The following EPHB2 variants were observed in gnomAD, a reference collection of about 807,000 sequenced individuals.
EPHB2 encodes the protein ephrin type-B receptor 2.
In EPHB2, 18 loss-of-function variants were observed where a neutral mutation model predicts 96.4. The ratio of observed to expected loss-of-function variants is 0.19; its 90% CI spans 0.13 to 0.28. The LOEUF is 0.28. Among genes scored for constraint, EPHB2 ranks in the 10% least tolerant of loss-of-function variants. EPHB2 has a pLI of 1.00. For synonymous variants in EPHB2, 506 were observed against 534.1 expected (o/e 0.95, Z 0.72); for missense variants, 989 against 1,355.4 (o/e 0.73, Z 4.25).
At chr1:22,815,264 G>T (rs1645058275) in intron 3 of EPHB2, among the ~76,000 whole-genome samples, 1 of 152,176 alleles carries the variant, frequency 6.6e-6, no homozygotes, top group South Asian at 2.1e-4. Context: ...GGAAGGTGGG[G>T]GGTGGTTGTG....
intron 1 of EPHB2, chr1:22,719,441 T>G (rs1406282643): frequency 6.5e-6 from 1 of 154,270 alleles, no homozygotes; most frequent in Non-Finnish European, 1.5e-5. Context: ...AGTCAGACAA[T>G]CTGGTTTCAC....
chr1:22,714,583 G>A (rs757257409), intron 1 of EPHB2, among the ~76,000 whole-genome samples: 3 of 152,138 alleles, frequency 2.0e-5, no homozygotes, highest in Non-Finnish European at 2.9e-5. Flanking sequence ...GGCTAGAATG[G>A]AAGGCTGGGG....
intron 3 of EPHB2, among the ~76,000 whole-genome samples, chr1:22,788,748 TTTTTG>T (rs1644648117): frequency 1.0e-4 from 4 of 39,724 alleles, no homozygotes; most frequent in African/African-American, 2.3e-4. Context: ...TTGTCTTTTG[TTTTTG>T]TTTTTTTTTT....
intron 3 of EPHB2, among the ~76,000 whole-genome samples, chr1:22,815,388 G>A (rs1645060892): frequency 6.6e-6 from 1 of 152,224 alleles, no homozygotes; most frequent in African/African-American, 2.4e-5. Context: ...GAAAAGAAAT[G>A]AGTTGCCCAA....
At chr1:22,770,080 CG>C (rs1644357800) in intron 1 of EPHB2, among the ~76,000 whole-genome samples, 2 of 151,646 alleles carry the variant, frequency 1.3e-5, no homozygotes, top group South Asian at 4.2e-4. Context: ...GGTGATTTGA[CG>C]AATAGATGGA....
chr1:22,712,983 A>G (rs1342001196), intron 1 of EPHB2, among the ~76,000 whole-genome samples: 3 of 152,160 alleles, frequency 2.0e-5, no homozygotes, highest in Admixed American at 6.5e-5. Context: ...TGGAAGGGCC[A>G]CATCTGTCCA....
intron 1 of EPHB2, among the ~76,000 whole-genome samples, chr1:22,745,137 A>G (rs1643954185): frequency 1.3e-5 from 2 of 152,226 alleles, no homozygotes; most frequent in Admixed American, 6.5e-5. Context: ...CTAGAGCACA[A>G]TGTTCACAGC....
chr1:22,796,506 C>T (rs958214891), intron 3 of EPHB2, among the ~76,000 whole-genome samples: 6 of 152,206 alleles, frequency 3.9e-5, no homozygotes, highest in Admixed American at 6.5e-5. Flanking sequence ...TGTGAGTGCA[C>T]GGCCATTTCC....
chr1:22,909,410 C>T (rs1445278600), intron 13 of EPHB2, among the ~76,000 whole-genome samples: 2 of 152,246 alleles, frequency 1.3e-5, no homozygotes, highest in Non-Finnish European at 2.9e-5. Context: ...ATCAGCACGT[C>T]TTCAGGACGC....
Position 22,784,634 on chromosome 1 carries a change from C to T in EPHB2, c.369C>T (p.Ala123=). ...LYYYEADFDS[A]TKTFPNWMEN... is the part of the protein sequence containing the mutation. ...ACTATGAGGCTGACTTTGACTCGGC[C>T]ACCAAGACCTTCCCCAACTGGATGG... Residue 123 remains alanine, a synonymous_variant, in exon 3 of 16, where the codon GCC becomes GCT. Coordinates refer to ENST00000374630, the MANE Select transcript of EPHB2 (RefSeq NM_017449.5). This position sits in a 1 kb window ranked among gnomAD's most constrained non-coding sequence, Gnocchi z 5.1. The T allele has an allele frequency of 2.5e-6, 4 of 1,614,126 alleles. No individual in the cohort carries two copies. The highest frequency in any genetic ancestry group is 3.4e-6 in the Non-Finnish European group (4 of 1,180,034).
intron 3 of EPHB2, among the ~76,000 whole-genome samples, chr1:22,818,490 T>C (rs184549940): frequency 3.4e-4 from 51 of 152,146 alleles, no homozygotes; most frequent in African/African-American, 1.2e-3. Flanking sequence ...GAACCATCTT[T>C]CTAAAATGGA....
Position 22,907,976 on chromosome 1 carries a change from C to G in EPHB2, c.2160C>G (p.Val720=), listed in dbSNP as rs201544391. ...AGCAAAACGATGGGCAGTTCACAGT[C>G]ATCCAGCTGGTGGGCATGCTTCGGG... ...FLRQNDGQFT[V]IQLVGMLRGI... Residue 720 remains valine (V), a synonymous_variant, in exon 12 of 16, where the codon GTC becomes GTG. Coordinates refer to ENST00000374630, the MANE Select transcript of EPHB2 (RefSeq NM_017449.5). 1 of 1,614,264 alleles carries G rather than the reference C, an allele frequency of 6.2e-7. No individual in the cohort carries two copies. The highest frequency in any genetic ancestry group is 1.7e-5 in the Admixed American group (1 of 60,030).
At chr1:22,729,070 G>C (rs1331010681) in intron 1 of EPHB2, among the ~76,000 whole-genome samples, 1 of 152,212 alleles carries the variant, frequency 6.6e-6, no homozygotes, top group Non-Finnish European at 1.5e-5. Context: ...GCTCACTCGG[G>C]GTAATGCCTC....
At chr1:22,905,036 G>C (rs1639864870) in intron 9 of EPHB2, among the ~76,000 whole-genome samples, 1 of 152,220 alleles carries the variant, frequency 6.6e-6, no homozygotes, top group Admixed American at 6.5e-5. Context: ...TGGGCTCAGG[G>C]AGGACTGGGA....
At chr1:22,814,870 C>T (rs1299288482) in intron 3 of EPHB2, among the ~76,000 whole-genome samples, 1 of 152,204 alleles carries the variant, frequency 6.6e-6, no homozygotes, top group African/African-American at 2.4e-5. Flanking sequence ...AAATGCACGC[C>T]GGCTCATCTG....
At chr1:22,713,797 A>T (rs1342573841) in intron 1 of EPHB2, among the ~76,000 whole-genome samples, 1 of 152,176 alleles carries the variant, frequency 6.6e-6, no homozygotes, top group East Asian at 1.9e-4. Flanking sequence ...GGAAATCCCC[A>T]GCTCCAGCCT....
rs1399027738 is a variant in EPHB2, at chr1:22,790,353, A to G, written c.811+5277A>G. Among the ~76,000 whole-genome samples, 1 of 151,982 alleles carries G rather than the reference A, an allele frequency of 6.6e-6. No homozygotes were observed. The highest frequency in any genetic ancestry group is 1.5e-5 in the Non-Finnish European group (1 of 67,984). On this transcript the variant is annotated intron_variant, in intron 3 of 15. Coordinates refer to ENST00000374630, the MANE Select transcript of EPHB2 (RefSeq NM_017449.5). The surrounding 1 kb of genome is among the most constrained non-coding windows in gnomAD (Gnocchi z 4.0). ...CTGGGCATACAGCTGCCAGGTGAGG[A>G]TTCCTGGGACTTCCTTTAGAAGAGC...
At chr1:22,864,746 G>T in intron 4 of EPHB2, 131 bp from the exon 5 acceptor site, 2 of 621,652 alleles carry the variant, frequency 3.2e-6, no homozygotes, top group South Asian at 4.2e-5. Context: ...TTTCTCTGGT[G>T]GGGAGACAGG....
rs1287879425 is a variant in EPHB2, at chr1:22,906,357, G to C, written c.1888+248G>C. On this transcript the variant is annotated intron_variant, in intron 10 of 15. Transcript: ENST00000374630. The surrounding 1 kb of genome is among the most constrained non-coding windows in gnomAD (Gnocchi z 4.8). ...GGACATGCACAGTGAGTCAGAGATT[G>C]AGCTGGGTCTGGAGCCCAGTTCTCT... Among the ~76,000 whole-genome samples, 1 of 152,190 alleles carries C rather than the reference G, an allele frequency of 6.6e-6. No individual in the cohort carries two copies. The highest frequency in any genetic ancestry group is 1.5e-5 in the Non-Finnish European group (1 of 68,030).
Sources: gnomAD v4.1 joint callset for allele counts (sites outside exome capture counted in the v4.1 genomes callset) on GRCh38, gnomAD v4.1.1 for gene constraint, Gnocchi (gnomAD v3.1) non-coding constraint, MANE v1.5 for transcripts, NCBI Gene and HGNC (gene_info 2026-07-23, HGNC 2026-07-21) for gene names.